Variants in ATP2A2 observed in about 807,000 individuals in gnomAD.
ATP2A2 encodes sarcoplasmic/endoplasmic reticulum calcium ATPase 2.
Under a neutral mutation model 109.3 loss-of-function variants are expected in ATP2A2, and 14 were observed. The ratio of observed to expected loss-of-function variants is 0.13; its 90% confidence interval spans 0.08 to 0.20. ATP2A2 has a LOEUF of 0.20. Ranked by LOEUF, ATP2A2 falls within the 10% of genes least tolerant of loss-of-function variation. The pLI is 1.00. For synonymous variants in ATP2A2, 506 were observed against 490.9 expected (o/e 1.03, Z -0.41); for missense variants, 657 against 1,321.6 (o/e 0.50, Z 7.80).
At position 110,349,429 on chromosome 12, in the gene ATP2A2, C is replaced by G; in HGVS notation, c.*2959C>G. On this transcript the variant is annotated 3_prime_UTR_variant, in exon 20 of 20. Coordinates refer to ENST00000539276, the MANE Select transcript of ATP2A2 (RefSeq NM_170665.4). ...CCACCCCGTGCCTCCCTTGGCCTCT[C>G]TGAGCTTTGCCCAGAAGACCAACAA... 1 of 985,552 alleles carries G rather than the reference C, an allele frequency of 1.0e-6. No homozygotes were observed. Among genetic ancestry groups the G allele is most frequent in the Non-Finnish European group, 1.2e-6 (1 of 829,992 alleles). The allele number at this position is 985,552 out of a possible 1,614,324, so 61.1% of individuals were successfully genotyped here.
Position 110,342,335 on chromosome 12 carries a change from G to A in ATP2A2, c.2205G>A (p.Ala735=), listed in dbSNP as rs370758992. 19 of 1,614,110 alleles carry A rather than the reference G, an allele frequency of 1.2e-5. No individual in the cohort carries two copies. Among genetic ancestry groups the A allele is most frequent in the Admixed American group, 5.0e-5 (3 of 60,002 alleles). Residue 735 remains alanine, a synonymous_variant, in exon 15 of 20, where the codon GCG becomes GCA. Transcript: ENST00000539276. This position sits in a 1 kb window ranked among gnomAD's most constrained non-coding sequence, Gnocchi z 4.6. The part of the protein sequence containing the change: ...VAKTASEMVL[A]DDNFSTIVAA... ...AAACCGCCTCTGAGATGGTCCTGGC[G>A]GATGACAACTTCTCCACCATTGTGG...
intron 5 of ATP2A2, among the ~76,000 whole-genome samples, chr12:110,321,995 CT>C (rs555616619): frequency 3.6e-4 from 53 of 146,972 alleles, no homozygotes; most frequent in Admixed American, 4.1e-4. Flanking sequence ...ATTGATATTT[CT>C]TTTTTTTTTT....
chr12:110,299,034 A>G (rs1031104587), intron 5 of ATP2A2, among the ~76,000 whole-genome samples: 6 of 152,206 alleles, frequency 3.9e-5, no homozygotes, highest in African/African-American at 1.2e-4. Flanking sequence ...CAGTGGCACC[A>G]TCACGGCTCA....
intron 4 of ATP2A2, among the ~76,000 whole-genome samples, chr12:110,295,638 A>G (rs1235861917): frequency 1.3e-5 from 2 of 152,176 alleles, no homozygotes; most frequent in African/African-American, 2.4e-5. Flanking sequence ...TTTCTGGGGT[A>G]TATACATCAA....
At chr12:110,298,911 C>G (rs1388139514) in intron 5 of ATP2A2, among the ~76,000 whole-genome samples, 1 of 152,012 alleles carries the variant, frequency 6.6e-6, no homozygotes, top group African/African-American at 2.4e-5. Context: ...GTATGATTAT[C>G]AGAATTAGGA....
Position 110,347,399 on chromosome 12 carries a change from G to A in ATP2A2, c.*929G>A, listed in dbSNP as rs1879983010. 1 of 1,288,910 alleles carries A rather than the reference G, an allele frequency of 7.8e-7. No homozygotes were observed. Among genetic ancestry groups the A allele is most frequent in the African/African-American group, 1.5e-5 (1 of 65,804 alleles). 79.8% of individuals were successfully genotyped at this position (1,288,910 alleles called of 1,614,324 possible). A position where few individuals can be genotyped will look rare whatever the true frequency, so the allele number is the denominator to read the frequency against. On this transcript the variant is annotated 3_prime_UTR_variant, in exon 20 of 20. Coordinates refer to ENST00000539276, the MANE Select transcript of ATP2A2 (RefSeq NM_170665.4). ...TGTCCAACTTTCTCTCCAGTTCTTA[G>A]CTCAGAACTTTAGTTGTACTCTGCT...
chr12:110,311,418 G>A (rs569285511), intron 5 of ATP2A2, among the ~76,000 whole-genome samples: 2 of 151,502 alleles, frequency 1.3e-5, no homozygotes, highest in African/African-American at 2.4e-5. Flanking sequence ...TGAAACCCCC[G>A]TCTCTACTAA....
At chr12:110,324,829 T>A (rs1439247806) in intron 6 of ATP2A2, among the ~76,000 whole-genome samples, 1 of 130,486 alleles carries the variant, frequency 7.7e-6, no homozygotes, top group Admixed American at 7.6e-5. Flanking sequence ...AATGAAAATC[T>A]TTTTTTTTTT....
rs1879560882 is a variant in ATP2A2, at chr12:110,343,537, T to TATA, written c.2521+104_2521+106dup. 11 of 1,324,050 alleles carry TATA rather than the reference T, an allele frequency of 8.3e-6. No homozygotes were observed. In the South Asian group the frequency reaches 1.3e-4, roughly 16 times the overall value. 82.0% of individuals were successfully genotyped at this position (1,324,050 alleles called of 1,614,324 possible). ...AAGCGTGTTTTTTCTTCTATCCCCG[T>TATA]ATAGGGTAGCAAAAGACAGAGATGC... is the stretch of plus-strand genomic sequence containing the variant. On this transcript the variant is annotated intron_variant, in intron 16 of 19. Transcript: ENST00000539276.
In ATP2A2 at chr12:110,342,035, T is replaced by C. The variant is rs933311009; in HGVS notation, c.2098-193T>C. Reference sequence around the variant, plus strand: ...CCTTTGTCCCACTTCGGTAAACTTATTTGGTAATTTTACATTTCCTAGGTA... The same window carrying C: ...CCTTTGTCCCACTTCGGTAAACTTACTTGGTAATTTTACATTTCCTAGGTA... On this transcript the variant is annotated intron_variant, in intron 14 of 19. Coordinates refer to ENST00000539276, the MANE Select transcript of ATP2A2 (RefSeq NM_170665.4). The surrounding 1 kb of genome is among the most constrained non-coding windows in gnomAD (Gnocchi z 4.6). Among the ~76,000 whole-genome samples, 2 of 152,258 alleles carry C rather than the reference T, an allele frequency of 1.3e-5. No individual in the cohort carries two copies. The highest frequency in any genetic ancestry group is 2.4e-5 in the African/African-American group (1 of 41,466).
chr12:110,339,473 ATTGTT>A lies in ATP2A2; in HGVS notation c.1543-28_1543-24del, dbSNP rs764700963. The A allele has an allele frequency of 2.3e-5, 37 of 1,613,952 alleles. No individual in the cohort carries two copies. The African/African-American group carries it at 3.7e-4, about 16-fold the overall frequency. On this transcript the variant is annotated intron_variant, in intron 12 of 19. Coordinates refer to ENST00000539276, the MANE Select transcript of ATP2A2 (RefSeq NM_170665.4). This position sits in a 1 kb window ranked among gnomAD's most constrained non-coding sequence, Gnocchi z 4.4. ...GATCCCGGTGAACCAATAAAACAAA[ATTGTT>A]TATCTAAATCTGTAACATTTCCAGG...
chr12:110,292,341 A>C (rs576424707), intron 4 of ATP2A2, among the ~76,000 whole-genome samples: 40 of 151,792 alleles, frequency 2.6e-4, no homozygotes, highest in Non-Finnish European at 4.7e-4. Flanking sequence ...GTCTCGGCTC[A>C]CTGCAACCTC....
intron 18 of ATP2A2, chr12:110,345,793 T>C: frequency 1.5e-6 from 1 of 656,288 alleles, no homozygotes; most frequent in Non-Finnish European, 2.7e-6. Context: ...TGGGGTCTGC[T>C]ATGCCAAAAC....
At chr12:110,282,116 G>A (rs1872170309) in intron 1 of ATP2A2, among the ~76,000 whole-genome samples, 1 of 152,074 alleles carries the variant, frequency 6.6e-6, no homozygotes, top group African/African-American at 2.4e-5. Flanking sequence ...TCGGGCCCTC[G>A]ACCTTTTCGG....
intron 5 of ATP2A2, among the ~76,000 whole-genome samples, chr12:110,306,893 C>G (rs1875398903): frequency 1.3e-5 from 2 of 151,964 alleles, no homozygotes; most frequent in South Asian, 2.1e-4. Flanking sequence ...CTCCTTGTAG[C>G]TGGAACTACA....
intron 3 of ATP2A2, among the ~76,000 whole-genome samples, chr12:110,283,402 A>G (rs545124778): frequency 6.6e-6 from 1 of 152,200 alleles, no homozygotes; most frequent in Non-Finnish European, 1.5e-5. Context: ...TCTAGATCTT[A>G]AAGGAAAAAA....
chr12:110,308,816 A>G (rs1381410819), intron 5 of ATP2A2, among the ~76,000 whole-genome samples: 1 of 152,220 alleles, frequency 6.6e-6, no homozygotes, highest in Non-Finnish European at 1.5e-5. Context: ...GTGCTTTTAG[A>G]CATGGTGACT....
At position 110,291,936 on chromosome 12, in the gene ATP2A2, C is replaced by T. The variant is rs1208941086; in HGVS notation, c.220-84C>T. The T allele has an allele frequency of 5.7e-6, 7 of 1,224,070 alleles. No homozygotes were observed. In the East Asian group the frequency reaches 1.2e-4, roughly 21 times the overall value. 75.8% of individuals were successfully genotyped at this position (1,224,070 alleles called of 1,614,324 possible). A position where few individuals can be genotyped will look rare whatever the true frequency, so the allele number is the denominator to read the frequency against. On this transcript the variant is annotated intron_variant, in intron 3 of 19. Transcript: ENST00000539276. Reference sequence around the variant, plus strand: ...TGCTGGGATTACAGGCCTGAGCCACCATGCTCGGCCAGTGCTAGCCACTTT... The same window carrying T: ...TGCTGGGATTACAGGCCTGAGCCACTATGCTCGGCCAGTGCTAGCCACTTT...
rs77748293 is a variant in ATP2A2, at chr12:110,304,510, C to A, written c.463+7773C>A. Among the ~76,000 whole-genome samples the A allele has an allele frequency of 8.2e-3, 1,247 of 152,234 alleles. 26 individuals are homozygous for A. Among genetic ancestry groups the A allele is most frequent in the African/African-American group, 0.029 (1,201 of 41,520 alleles). ...GAAGTGAGTATCATTGTGGTTTTGACGTCCGTTTCCCTAATTTCTTAATGA... is the reference window on the plus strand; with the variant it reads ...GAAGTGAGTATCATTGTGGTTTTGAAGTCCGTTTCCCTAATTTCTTAATGA... On this transcript the variant is annotated intron_variant, in intron 5 of 19. Transcript: ENST00000539276.
Sources: allele counts gnomAD v4.1 joint callset (sites outside exome capture counted in the v4.1 genomes callset), GRCh38; gene constraint gnomAD v4.1.1; non-coding constraint Gnocchi (gnomAD v3.1); transcripts MANE v1.5; gene names NCBI Gene and HGNC (gene_info 2026-07-23, HGNC 2026-07-21).